The following FAM135B variants were observed in gnomAD, a reference collection of about 807,000 sequenced individuals.
FAM135B encodes the protein family with sequence similarity 135 member B.
Under a neutral mutation model 127.7 loss-of-function variants are expected in FAM135B, and 43 were observed. That is an observed-to-expected ratio of 0.34 (90% CI 0.26 to 0.43). The LOEUF is 0.43. Among genes scored for constraint, FAM135B ranks in the 20% least tolerant of loss-of-function variants. The pLI is 1.00. For synonymous variants in FAM135B, 670 were observed against 665.1 expected (o/e 1.01, Z -0.11); for missense variants, 1,558 against 1,725.6 (o/e 0.90, Z 1.72).
intron 2 of FAM135B, among the ~76,000 whole-genome samples, chr8:138,314,629 C>T (rs927692210): frequency 7.3e-5 from 11 of 151,060 alleles, no homozygotes; most frequent in Admixed American, 2.6e-4. Flanking sequence ...CCAGCACTTT[C>T]GGAGGCCGAG....
At chr8:138,191,839 T>G (rs973618968) in intron 9 of FAM135B, among the ~76,000 whole-genome samples, 1 of 152,178 alleles carries the variant, frequency 6.6e-6, no homozygotes, top group Non-Finnish European at 1.5e-5. Context: ...AAAGCCCCCA[T>G]CATTTGATAA....
At chr8:138,488,722 A>G (rs959498527) in intron 1 of FAM135B, among the ~76,000 whole-genome samples, 5 of 152,176 alleles carry the variant, frequency 3.3e-5, no homozygotes, top group Non-Finnish European at 7.4e-5. Context: ...GCTGGAGTGC[A>G]GTGGTGCAAT....
intron 9 of FAM135B, among the ~76,000 whole-genome samples, chr8:138,187,755 G>A (rs911891173): frequency 6.6e-6 from 1 of 152,188 alleles, no homozygotes; most frequent in African/African-American, 2.4e-5. Context: ...TTGAGCCTGT[G>A]CCAATGAGGT....
chr8:138,356,972 G>A (rs1436781826), intron 2 of FAM135B, among the ~76,000 whole-genome samples: 2 of 152,132 alleles, frequency 1.3e-5, no homozygotes, highest in Admixed American at 6.6e-5. Context: ...GGGAGTATAT[G>A]AGGACAATTA....
chr8:138,222,323 C>T (rs971987548), intron 7 of FAM135B, among the ~76,000 whole-genome samples: 6 of 152,136 alleles, frequency 3.9e-5, no homozygotes, highest in Admixed American at 3.3e-4. Flanking sequence ...TGCTTCTTAA[C>T]TCTTATCACA....
chr8:138,156,486 A>C (rs1317760491), intron 12 of FAM135B, among the ~76,000 whole-genome samples: 1 of 148,738 alleles, frequency 6.7e-6, no homozygotes, highest in African/African-American at 2.4e-5. Context: ...AAAACCCTTC[A>C]AAAAAATCAA....
intron 1 of FAM135B, among the ~76,000 whole-genome samples, chr8:138,446,570 A>G (rs545496615): frequency 6.6e-6 from 1 of 152,236 alleles, no homozygotes; most frequent in Non-Finnish European, 1.5e-5. Context: ...TTCCCTATTT[A>G]ATAAATCGTT....
chr8:138,155,234 C>A (rs1186667016), intron 12 of FAM135B, among the ~76,000 whole-genome samples: 1 of 152,148 alleles, frequency 6.6e-6, no homozygotes, highest in Non-Finnish European at 1.5e-5. Flanking sequence ...CCTTTACAGA[C>A]AAGCAAATGC....
chr8:138,151,860 C>G lies in FAM135B; in HGVS notation c.2615G>C (p.Gly872Ala). ...LPDGRTENTP[G>A]VETKGLNLKI... is the part of the protein sequence containing the mutation. ...TAAATTAAGACCTTTGGTTTCAACA[C>G]CTGGAGTGTTCTCAGTCCTGCCATC... is the stretch of plus-strand genomic sequence containing the variant. Residue 872 changes from glycine (G) to alanine (A), a missense_variant, in exon 13 of 20, where the codon GGT becomes GCT. Around this residue, in one of 5 missense-constraint regions of FAM135B, gnomAD observed 923 missense variants for 865.3 expected, o/e 1.07. Transcript: ENST00000395297. 6.2e-7 allele frequency: 1 copy of G among 1,614,042 alleles called. No individual in the cohort carries two copies. Among genetic ancestry groups the G allele is most frequent in the Non-Finnish European group, 8.5e-7 (1 of 1,179,908 alleles).
At chr8:138,247,869 T>G (rs1380346537) in intron 6 of FAM135B, among the ~76,000 whole-genome samples, 1 of 152,212 alleles carries the variant, frequency 6.6e-6, no homozygotes, top group Non-Finnish European at 1.5e-5. Flanking sequence ...TAACTCCAAT[T>G]TACCATCCCA....
intron 1 of FAM135B, among the ~76,000 whole-genome samples, chr8:138,482,991 C>T (rs532721047): frequency 6.6e-6 from 1 of 152,086 alleles, no homozygotes; most frequent in South Asian, 2.1e-4. Context: ...TCTACAAAAC[C>T]TGTGCCAATA....
intron 1 of FAM135B, among the ~76,000 whole-genome samples, chr8:138,388,031 G>A (rs1283042058): frequency 6.6e-6 from 1 of 152,136 alleles, no homozygotes; most frequent in Non-Finnish European, 1.5e-5. Flanking sequence ...TTAGTCATGA[G>A]GGGAATGCAA....
chr8:138,472,062 G>T (rs1364285409), intron 1 of FAM135B, among the ~76,000 whole-genome samples: 1 of 152,216 alleles, frequency 6.6e-6, no homozygotes, highest in African/African-American at 2.4e-5. Flanking sequence ...AGTGGGAAAA[G>T]AATAAATGAG....
At chr8:138,156,236 C>A (rs1032565702) in intron 12 of FAM135B, among the ~76,000 whole-genome samples, 5 of 152,200 alleles carry the variant, frequency 3.3e-5, no homozygotes, top group African/African-American at 1.2e-4. Context: ...TAAAGATGTT[C>A]TTTGAAACCC....
At chr8:138,362,479 C>T (rs1181154592) in intron 2 of FAM135B, among the ~76,000 whole-genome samples, 1 of 152,062 alleles carries the variant, frequency 6.6e-6, no homozygotes, top group Non-Finnish European at 1.5e-5. Flanking sequence ...GTTTCCACAA[C>T]CTCAAGTCAC....
intron 1 of FAM135B, among the ~76,000 whole-genome samples, chr8:138,385,874 T>C (rs1421037837): frequency 6.6e-6 from 1 of 151,960 alleles, no homozygotes; most frequent in Non-Finnish European, 1.5e-5. Context: ...CGGGCCAGAC[T>C]TTTAGAACAA....
Position 138,151,699 on chromosome 8 carries a change from C to A in FAM135B, c.2776G>T (p.Val926Phe), listed in dbSNP as rs2130739482. The A allele has an allele frequency of 1.2e-6, 2 of 1,614,186 alleles. No individual in the cohort carries two copies. The highest frequency in any genetic ancestry group is 1.7e-6 in the Non-Finnish European group (2 of 1,180,032). ...QALSNSGISE[V>F]EGLSQHQVPE... ...ACCTGATGTTGAGAGAGACCCTCAA[C>A]CTCTGAGATGCCACTGTTGGAAAGA... The change falls in exon 13 of 20, where the codon GTT becomes TTT. Residue 926 changes from valine (V) to phenylalanine (F), a missense_variant. Transcript: ENST00000395297.
chr8:138,379,768 T>C (rs1163181486), intron 1 of FAM135B, among the ~76,000 whole-genome samples: 6 of 152,244 alleles, frequency 3.9e-5, no homozygotes, highest in African/African-American at 1.4e-4. Flanking sequence ...CACCTCACAT[T>C]CATTGAGGTT....
intron 1 of FAM135B, among the ~76,000 whole-genome samples, chr8:138,462,399 G>C (rs1837177665): frequency 6.6e-6 from 1 of 152,284 alleles, no homozygotes; most frequent in Admixed American, 6.5e-5. Context: ...TGGGATAAAG[G>C]TTCCAGTGTT....
Sources: gnomAD v4.1 joint callset for allele counts (sites outside exome capture counted in the v4.1 genomes callset) on GRCh38, gnomAD v4.1.1 for gene constraint, gnomAD v4.1.1 regional missense constraint, MANE v1.5 for transcripts, NCBI Gene and HGNC (gene_info 2026-07-23, HGNC 2026-07-21) for gene names.